The following COPG2 variants were observed in gnomAD, a reference collection of about 807,000 sequenced individuals.
COPG2 encodes the protein coatomer subunit gamma-2.
In COPG2, 37 loss-of-function variants were observed where a neutral mutation model predicts 46.3. The observed-to-expected ratio is 0.80, with a 90% CI of 0.61 to 1.05. The LOEUF (loss-of-function observed/expected upper bound fraction) is 1.05. COPG2 is among the 50% of genes least tolerant of loss of function. COPG2 has a pLI of 0.00. For synonymous variants in COPG2, 159 were observed against 129.7 expected (o/e 1.23, Z -1.53); for missense variants, 427 against 387.8 (o/e 1.10, Z -0.85).
chr7:130,627,252 A>G (rs1279391025), intron 5 of COPG2, among the ~76,000 whole-genome samples: 1 of 152,212 alleles, frequency 6.6e-6, no homozygotes, highest in Admixed American at 6.6e-5. Context: ...GGCTGGCAGG[A>G]CCAAGGAAAA....
At chr7:130,660,016 AAAC>A (rs1795945460) in intron 4 of COPG2, among the ~76,000 whole-genome samples, 1 of 152,240 alleles carries the variant, frequency 6.6e-6, no homozygotes, top group Non-Finnish European at 1.5e-5. Context: ...ATATTAATAT[AAAC>A]AACGATAGAA....
chr7:130,544,345 G>A (rs1669740528), intron 20 of COPG2, among the ~76,000 whole-genome samples: 1 of 152,152 alleles, frequency 6.6e-6, no homozygotes, highest in African/African-American at 2.4e-5. Flanking sequence ...TTAAGGAAGT[G>A]TAGGCAGAAA....
At chr7:130,605,891 A>G (rs967455196) in intron 9 of COPG2, 2 of 406,924 alleles carry the variant, frequency 4.9e-6, no homozygotes, top group African/African-American at 2.1e-5. Context: ...TATGGCAACA[A>G]TAAAAAAAAC....
intron 20 of COPG2, among the ~76,000 whole-genome samples, chr7:130,512,724 G>C (rs886269984): frequency 2.0e-5 from 3 of 152,082 alleles, no homozygotes; most frequent in African/African-American, 7.2e-5. Flanking sequence ...TAACCTGGGT[G>C]ACAGAGTGAG....
At chr7:130,581,706 GACAA>G (rs1375023678) in intron 9 of COPG2, among the ~76,000 whole-genome samples, 9 of 124,146 alleles carry the variant, frequency 7.2e-5, no homozygotes, top group Non-Finnish European at 1.0e-4. Flanking sequence ...ACCAACAACA[GACAA>G]ACAGAGAGCC....
intron 9 of COPG2, chr7:130,605,220 T>C (rs1794706453): frequency 1.9e-6 from 1 of 520,024 alleles, no homozygotes. Flanking sequence ...TCTCTTTGAC[T>C]CTCTCATCAG....
chr7:130,645,505 C>G (rs1219312537), intron 5 of COPG2: 1 of 292,156 alleles, frequency 3.4e-6, no homozygotes, highest in Non-Finnish European at 6.6e-6. Flanking sequence ...ACTAGAGGCT[C>G]CAGGGGCTCA....
At position 130,649,400 on chromosome 7, in the gene COPG2, C is replaced by T. The variant is rs572755965; in HGVS notation, c.323+3469G>A. ...ACTTATTTCTCTACTTTCAATTTTA[C>T]TATTAGTGGCAAAAAGAAACTAGGC... On this transcript the variant is annotated intron_variant, in intron 5 of 23. Transcript: ENST00000425248. Among the ~76,000 whole-genome samples the T allele has an allele frequency of 5.9e-5, 9 of 152,280 alleles. No homozygotes were observed. The South Asian group carries it at 1.0e-3, about 18-fold the overall frequency.
intron 5 of COPG2, among the ~76,000 whole-genome samples, chr7:130,632,058 A>G (rs1795243582): frequency 6.6e-6 from 1 of 152,272 alleles, no homozygotes; most frequent in African/African-American, 2.4e-5. Context: ...AGTACTATCC[A>G]TATGTTGTTT....
rs782672697 is a variant in COPG2, at chr7:130,617,083, G to C, written c.324-18C>G. 40 of 1,550,946 alleles carry C rather than the reference G, an allele frequency of 2.6e-5. No individual in the cohort carries two copies. The South Asian group carries it at 4.3e-4, about 17-fold the overall frequency. On this transcript the variant is annotated intron_variant, in intron 5 of 23. Transcript: ENST00000425248. ...TAGTCAGACTAAGAAAAATCAAATT[G>C]GTTAACATAAGATCAATTAAAATCT...
rs907447642 is a variant in COPG2 at position 130,612,146 on chromosome 7, C to G, written c.579+6G>C. 7.5e-6 allele frequency: 12 copies of G among 1,592,464 alleles called. No homozygotes were observed. The Admixed American group carries it at 1.2e-4, about 16-fold the overall frequency. On this transcript the variant is annotated splice_donor_region_variant and intron_variant, in intron 8 of 23. Coordinates refer to ENST00000425248, the MANE Select transcript of COPG2 (RefSeq NM_012133.6). ...GAGACAAGCTAATGTGATTCAATGA[C>G]AATACCTGGACCATAATATTATCAC... is the stretch of plus-strand genomic sequence containing the variant.
intron 15 of COPG2, among the ~76,000 whole-genome samples, chr7:130,551,784 G>T (rs1793537404): frequency 6.6e-6 from 1 of 152,170 alleles, no homozygotes; most frequent in Non-Finnish European, 1.5e-5. Context: ...CCAACCTTTG[G>T]CTTGTAATTT....
rs1554451995 is a variant in COPG2 at position 130,611,026 on chromosome 7, C to T, written c.664G>A (p.Gly222Ser). 1.2e-6 allele frequency: 2 copies of T among 1,613,844 alleles called. No individual in the cohort carries two copies. The highest frequency in any genetic ancestry group is 1.7e-6 in the Non-Finnish European group (2 of 1,179,848). Reference sequence around the variant, plus strand: ...CAGTAAGCAAACTGTGACTTGAGACCAGATTTAGTAAACTTATTCAACATC... The same window carrying T: ...CAGTAAGCAAACTGTGACTTGAGACTAGATTTAGTAAACTTATTCAACATC... ...SKMLNKFTKS[G>S]LKSQFAYCML... Residue 222 changes from glycine (G) to serine (S), a missense_variant, in exon 9 of 24, where the codon GGT becomes AGT. Physicochemically the swap from Gly to Ser is moderately conservative, Grantham distance 56. Coordinates refer to ENST00000425248, the MANE Select transcript of COPG2 (RefSeq NM_012133.6).
At chr7:130,544,277 T>C (rs1310475032) in intron 20 of COPG2, among the ~76,000 whole-genome samples, 1 of 152,188 alleles carries the variant, frequency 6.6e-6, no homozygotes, top group Non-Finnish European at 1.5e-5. Context: ...CAAGTTAATA[T>C]GGTTAATACT....
intron 20 of COPG2, among the ~76,000 whole-genome samples, chr7:130,526,847 G>A (rs1464698578): frequency 6.8e-6 from 1 of 147,420 alleles, no homozygotes. Context: ...TGGGGTTCGG[G>A]GTGGGATTTG....
chr7:130,583,678 G>A (rs1337153615), intron 9 of COPG2, among the ~76,000 whole-genome samples: 1 of 150,084 alleles, frequency 6.7e-6, no homozygotes, highest in African/African-American at 2.4e-5. Context: ...GGTGGCGCAT[G>A]CCTGTAGTCC....
At chr7:130,506,832 A>G (rs1799501319) in intron 23 of COPG2, 26 bp from the exon 24 acceptor site, 1 of 764,858 alleles carries the variant, frequency 1.3e-6, no homozygotes, top group Non-Finnish European at 2.4e-6. Flanking sequence ...AAGGAAAACC[A>G]TATTAAGAAC....
chr7:130,531,737 A>G (rs898094321), intron 20 of COPG2, among the ~76,000 whole-genome samples: 10 of 151,928 alleles, frequency 6.6e-5, no homozygotes, highest in Non-Finnish European at 1.2e-4. Flanking sequence ...GGAAAGCACT[A>G]GAATGCTCCA....
chr7:130,604,917 G>A (rs184751233), intron 9 of COPG2, among the ~76,000 whole-genome samples: 159 of 152,144 alleles, frequency 1.0e-3, no homozygotes, highest in African/African-American at 3.6e-3. Flanking sequence ...CACCCATTAA[G>A]GCATTAAGAC....
Sources: gnomAD v4.1 joint callset for allele counts (sites outside exome capture counted in the v4.1 genomes callset) on GRCh38, gnomAD v4.1.1 for gene constraint, MANE v1.5 for transcripts, NCBI Gene and HGNC (gene_info 2026-07-23, HGNC 2026-07-21) for gene names.